Variants in BTBD3 observed in about 807,000 individuals in gnomAD.
BTBD3 encodes BTB/POZ domain-containing protein 3.
Under a neutral mutation model 41.6 loss-of-function variants are expected in BTBD3, and 14 were observed. The observed-to-expected ratio is 0.34, with a 90% CI of 0.22 to 0.53. BTBD3 has a LOEUF of 0.53. Ranked by LOEUF, BTBD3 falls within the 20% of genes least tolerant of loss-of-function variation. BTBD3 has a pLI of 0.95. For missense variants in BTBD3, 426 were observed against 654.7 expected, an observed-to-expected ratio of 0.65 and a Z score of 3.81; for synonymous variants, 249 against 233.7, an observed-to-expected ratio of 1.07 and a Z score of -0.60.
chr20:11,890,865 T>A (rs1447370123), exon 1 of BTBD3: 1 of 984,752 alleles, frequency 1.0e-6, no homozygotes, highest in Non-Finnish European at 1.2e-6. Flanking sequence ...GGGCGCTGGA[T>A]CTCCGAGTGC....
At chr20:11,893,897 A>G (rs1435268919) in intron 1 of BTBD3, among the ~76,000 whole-genome samples, 2 of 152,248 alleles carry the variant, frequency 1.3e-5, no homozygotes, top group Non-Finnish European at 2.9e-5. Context: ...TTTATTTAAT[A>G]TGAAGTAAAT....
rs1256527360 is a variant in BTBD3, at chr20:11,924,127, G to A, written c.*461G>A. On this transcript the variant is annotated 3_prime_UTR_variant, in exon 4 of 4. Coordinates refer to ENST00000378226, the MANE Select transcript of BTBD3 (RefSeq NM_014962.4). ...ACAATTTTGAAAGAAGTTTTGCCTT[G>A]TAATGAGTAATAATTTAGAAAGTAG... 1 of 154,772 alleles carries A rather than the reference G, an allele frequency of 6.5e-6. No homozygotes were observed. The highest frequency in any genetic ancestry group is 2.4e-5 in the African/African-American group (1 of 41,486). 9.6% of individuals were successfully genotyped at this position (154,772 alleles called of 1,614,324 possible).
chr20:11,890,849 C>G (rs1388477944), exon 1 of BTBD3: 2 of 985,216 alleles, frequency 2.0e-6, no homozygotes, highest in South Asian at 4.7e-5. Flanking sequence ...GCCCGCCGAG[C>G]CCGCCGGGCG....
In BTBD3 at chr20:11,923,473, T is replaced by C. The variant is rs1176748001; in HGVS notation, c.1376T>C (p.Val459Ala). Residue 459 changes from valine to alanine, a missense_variant, in exon 4 of 4, where the codon GTG becomes GCG. Val to Ala is a moderately conservative substitution (Grantham distance 64, BLOSUM62 0). Around this residue, in one of 3 missense-constraint regions of BTBD3, gnomAD observed 321 missense variants for 534.8 expected, o/e 0.60. Coordinates refer to ENST00000378226, the MANE Select transcript of BTBD3 (RefSeq NM_014962.4). The surrounding 1 kb of genome is among the most constrained non-coding windows in gnomAD (Gnocchi z 5.3). ...NTFPVWFEYPVQIEPDTFYTA... is the reference protein window; with the variant it reads ...NTFPVWFEYPAQIEPDTFYTA... ...TTTCCCGTATGGTTTGAATACCCAG[T>C]GCAGATCGAGCCAGACACCTTCTAC... 6.2e-7 allele frequency: 1 copy of C among 1,614,170 alleles called. No individual in the cohort carries two copies. The highest frequency in any genetic ancestry group is 8.5e-7 in the Non-Finnish European group (1 of 1,180,030).
At chr20:11,897,669 C>G (rs2056796077) in intron 1 of BTBD3, among the ~76,000 whole-genome samples, 1 of 152,128 alleles carries the variant, frequency 6.6e-6, no homozygotes, top group Admixed American at 6.5e-5. Context: ...GCATTTCTTG[C>G]CTGGAGTATT....
intron 1 of BTBD3, chr20:11,890,961 G>A (rs1356782422): frequency 3.1e-6 from 3 of 983,410 alleles, no homozygotes; most frequent in Non-Finnish European, 2.4e-6. Flanking sequence ...GGCGGTGAGT[G>A]AGGGCGCCGC....
intron 1 of BTBD3, among the ~76,000 whole-genome samples, chr20:11,902,930 G>A (rs765905198): frequency 1.3e-5 from 2 of 151,926 alleles, no homozygotes; most frequent in Non-Finnish European, 2.9e-5. Flanking sequence ...TCTAGGCTGT[G>A]CAGTTCATCT....
intron 1 of BTBD3, among the ~76,000 whole-genome samples, chr20:11,900,792 C>G (rs1220492922): frequency 6.7e-6 from 1 of 149,882 alleles, no homozygotes; most frequent in Non-Finnish European, 1.5e-5. Flanking sequence ...ACTGCAAGCT[C>G]TGCCTTCTGG....
intron 1 of BTBD3, among the ~76,000 whole-genome samples, chr20:11,910,754 T>TAC (rs2056884411): frequency 6.6e-6 from 1 of 152,194 alleles, no homozygotes; most frequent in Non-Finnish European, 1.5e-5. Flanking sequence ...CAGTTTTATG[T>TAC]ACATTTTATG....
At chr20:11,903,797 AG>A (rs2056837755) in intron 1 of BTBD3, among the ~76,000 whole-genome samples, 1 of 151,950 alleles carries the variant, frequency 6.6e-6, no homozygotes, top group Non-Finnish European at 1.5e-5. Context: ...TAGTAGAGAC[AG>A]CGTTTCGTCA....
rs901976370 is a variant in BTBD3 at position 11,924,408 on chromosome 20, T to C, written c.*742T>C. 1 of 152,210 alleles carries C rather than the reference T, an allele frequency of 6.6e-6. No homozygotes were observed. Among genetic ancestry groups the C allele is most frequent in the Admixed American group, 6.5e-5 (1 of 15,276 alleles). The allele number at this position is 152,210 out of a possible 1,614,324, so 9.4% of individuals were successfully genotyped here. Reference sequence around the variant, plus strand: ...GTAAATTTTTAGATTTTATTGTCAGTAGAAAAAAGTTAAACTCCTACTAAT... The same window carrying C: ...GTAAATTTTTAGATTTTATTGTCAGCAGAAAAAAGTTAAACTCCTACTAAT... On this transcript the variant is annotated 3_prime_UTR_variant, in exon 4 of 4. Transcript: ENST00000378226.
At chr20:11,891,333 G>T (rs1251801123) in intron 1 of BTBD3, 1 of 151,908 alleles carries the variant, frequency 6.6e-6, no homozygotes, top group Non-Finnish European at 1.5e-5. Flanking sequence ...CCCCGGAGGT[G>T]GCGGAGGTCC....
chr20:11,919,211 C>T lies in BTBD3; in HGVS notation c.417+35C>T, dbSNP rs757448317. The T allele has an allele frequency of 4.6e-5, 72 of 1,580,634 alleles. No homozygotes were observed. In the Middle Eastern group the frequency reaches 1.3e-3, roughly 29 times the overall value. On this transcript the variant is annotated intron_variant, in intron 2 of 3. Coordinates refer to ENST00000378226, the MANE Select transcript of BTBD3 (RefSeq NM_014962.4). ...AGCTGCATGACCGGTTTAGTCCTGA[C>T]GTTTACAAAGAGGGACCCTTTCCAT...
chr20:11,922,861 C>T lies in BTBD3; in HGVS notation c.764C>T (p.Ala255Val), dbSNP rs768657975. 1 of 1,614,246 alleles carries T rather than the reference C, an allele frequency of 6.2e-7. No individual in the cohort carries two copies. Among genetic ancestry groups the T allele is most frequent in the Non-Finnish European group, 8.5e-7 (1 of 1,180,046 alleles). The part of the protein sequence containing the change: ...WEVIDAQAEL[A>V]LKSEGFCDID... ...GTGATTGATGCCCAGGCTGAGTTAGCTCTCAAGTCTGAGGGATTCTGCGAT... is the reference window on the plus strand; with the variant it reads ...GTGATTGATGCCCAGGCTGAGTTAGTTCTCAAGTCTGAGGGATTCTGCGAT... Residue 255 changes from alanine (A) to valine (V), a missense_variant, in exon 4 of 4, where the codon GCT becomes GTT. Ala to Val is a moderately conservative substitution (Grantham distance 64, BLOSUM62 0). This residue lies in a region of BTBD3 where 321 missense variants were observed against 534.8 expected (regional missense o/e 0.60). Coordinates refer to ENST00000378226, the MANE Select transcript of BTBD3 (RefSeq NM_014962.4).
At chr20:11,903,606 T>C (rs2056836412) in intron 1 of BTBD3, among the ~76,000 whole-genome samples, 2 of 152,024 alleles carry the variant, frequency 1.3e-5, no homozygotes, top group African/African-American at 4.8e-5. Context: ...TCTTTGACTG[T>C]TCTTAATTTT....
At chr20:11,911,370 T>G (rs936705779) in intron 1 of BTBD3, among the ~76,000 whole-genome samples, 2 of 152,166 alleles carry the variant, frequency 1.3e-5, no homozygotes, top group Non-Finnish European at 1.5e-5. Flanking sequence ...CTGGCAAATA[T>G]TATACAGATT....
chr20:11,913,141 A>G (rs1407636328), upstream of BTBD3, among the ~76,000 whole-genome samples: 5 of 152,146 alleles, frequency 3.3e-5, no homozygotes, highest in Admixed American at 6.5e-5. Flanking sequence ...CCTTGTTTAA[A>G]CCTCTGTTAA....
intron 1 of BTBD3, among the ~76,000 whole-genome samples, chr20:11,897,484 CAAAAA>C (rs71186168): frequency 1.8e-3 from 117 of 65,382 alleles, no homozygotes; most frequent in African/African-American, 6.5e-3. Flanking sequence ...GTTATTTAAG[CAAAAA>C]AAAAAAAAAA....
upstream of BTBD3, among the ~76,000 whole-genome samples, chr20:11,916,438 G>C (rs1373513468): frequency 1.3e-5 from 2 of 152,128 alleles, no homozygotes; most frequent in Non-Finnish European, 2.9e-5. Context: ...CTGCTGTTGA[G>C]AACATGATAA....
Sources: allele counts gnomAD v4.1 joint callset (sites outside exome capture counted in the v4.1 genomes callset), GRCh38; gene constraint gnomAD v4.1.1; regional missense constraint gnomAD v4.1.1; non-coding constraint Gnocchi (gnomAD v3.1); transcripts MANE v1.5; gene names NCBI Gene and HGNC (gene_info 2026-07-23, HGNC 2026-07-21).